The following ZSWIM6 variants were observed in gnomAD, a reference collection of about 807,000 sequenced individuals.
ZSWIM6 encodes zinc finger SWIM domain-containing protein 6.
In ZSWIM6, 9 loss-of-function variants were observed where a neutral mutation model predicts 113.2. The observed-to-expected ratio is 0.08, with a 90% confidence interval of 0.05 to 0.14. ZSWIM6 has a LOEUF of 0.14. Among genes scored for constraint, ZSWIM6 ranks in the 10% least tolerant of loss-of-function variants. The pLI, the probability that ZSWIM6 is intolerant of heterozygous loss-of-function variation, is 1.00. For synonymous variants in ZSWIM6, 611 were observed against 606.5 expected, an observed-to-expected ratio of 1.01 and a Z score of -0.11; for missense variants, 1,162 against 1,552.2, an observed-to-expected ratio of 0.75 and a Z score of 4.22.
At chr5:61,432,135 T>G (rs556113073) in intron 1 of ZSWIM6, among the ~76,000 whole-genome samples, 7 of 152,358 alleles carry the variant, frequency 4.6e-5, no homozygotes, top group African/African-American at 1.7e-4. Context: ...AAGCTGCTGT[T>G]TGTTCTAATA....
intron 1 of ZSWIM6, among the ~76,000 whole-genome samples, chr5:61,350,753 C>T (rs984259726): frequency 6.6e-6 from 1 of 152,180 alleles, no homozygotes; most frequent in Admixed American, 6.5e-5. Context: ...TCTTACTATC[C>T]GTGTGCCTCT....
chr5:61,467,254 CAG>C (rs1386249976), intron 1 of ZSWIM6, among the ~76,000 whole-genome samples: 2 of 152,108 alleles, frequency 1.3e-5, no homozygotes, highest in African/African-American at 2.4e-5. Context: ...TATCAAATAA[CAG>C]TAATAAACTC....
chr5:61,403,483 G>A (rs1167666178), intron 1 of ZSWIM6, among the ~76,000 whole-genome samples: 1 of 152,178 alleles, frequency 6.6e-6, no homozygotes, highest in African/African-American at 2.4e-5. Flanking sequence ...TATGCAGCTA[G>A]CAACTTCAGC....
At chr5:61,461,972 T>C (rs940320978) in intron 1 of ZSWIM6, among the ~76,000 whole-genome samples, 3 of 152,188 alleles carry the variant, frequency 2.0e-5, no homozygotes, top group African/African-American at 7.2e-5. Flanking sequence ...AAAATATATC[T>C]ACCTCACTGT....
intron 1 of ZSWIM6, among the ~76,000 whole-genome samples, chr5:61,387,110 A>ACTGCTGGT (rs2112087444): frequency 6.6e-6 from 1 of 152,332 alleles, no homozygotes; most frequent in East Asian, 1.9e-4. Flanking sequence ...TTATGTCAGA[A>ACTGCTGGT]AATAGCTTTC....
chr5:61,495,515 C>T (rs1172326055), intron 4 of ZSWIM6, among the ~76,000 whole-genome samples: 1 of 151,982 alleles, frequency 6.6e-6, no homozygotes. Context: ...TGACTTTTTC[C>T]CTGGCAATTT....
intron 1 of ZSWIM6, among the ~76,000 whole-genome samples, chr5:61,424,997 C>T (rs937359395): frequency 2.0e-5 from 3 of 152,072 alleles, no homozygotes; most frequent in Admixed American, 6.6e-5. Flanking sequence ...GGATTACAAA[C>T]GTGAGCCACT....
At chr5:61,382,437 C>T (rs1031807979) in intron 1 of ZSWIM6, among the ~76,000 whole-genome samples, 6 of 152,124 alleles carry the variant, frequency 3.9e-5, no homozygotes, top group East Asian at 1.9e-4. Flanking sequence ...ATGATGCCAA[C>T]GGTTCTTTCT....
rs1745718579 is a variant in ZSWIM6 at position 61,391,686 on chromosome 5, C to T, written c.676+58738C>T. 5.4e-6 allele frequency: 6 copies of T among 1,104,530 alleles called. No homozygotes were observed. In the Admixed American group the frequency reaches 6.8e-5, roughly 12 times the overall value. 68.4% of individuals were successfully genotyped at this position (1,104,530 alleles called of 1,614,324 possible). A position where few individuals can be genotyped will look rare whatever the true frequency, so the allele number is the denominator to read the frequency against. On this transcript the variant is annotated intron_variant, in intron 1 of 13. Transcript: ENST00000252744. ...CCTTCTTGTTCACCTTGGATCCTGG[C>T]CTGTCGACTTCCCGCATGATGTTGG...
chr5:61,342,898 TAA>T (rs572438740), intron 1 of ZSWIM6, among the ~76,000 whole-genome samples: 1 of 150,784 alleles, frequency 6.6e-6, no homozygotes, highest in Non-Finnish European at 1.5e-5. Flanking sequence ...ACTACTACAT[TAA>T]AAAAAAATGT....
intron 1 of ZSWIM6, among the ~76,000 whole-genome samples, chr5:61,340,960 G>A (rs959182911): frequency 6.6e-6 from 1 of 152,218 alleles, no homozygotes; most frequent in Admixed American, 6.6e-5. Context: ...TCAGAAAAAG[G>A]ATTGTTAACT....
Position 61,544,027 on chromosome 5 carries a change from G to A in ZSWIM6, c.3358G>A (p.Gly1120Arg), listed in dbSNP as rs1749816746. 1 of 1,551,906 alleles carries A rather than the reference G, an allele frequency of 6.4e-7. No individual in the cohort carries two copies. Among genetic ancestry groups the A allele is most frequent in the Admixed American group, 2.0e-5 (1 of 50,986 alleles). The stretch of plus-strand genomic sequence containing the variant: ...CACTCTGACCACTCCTGGCATGGTG[G>A]GACTTCATGGGAGGAGGAACTCTGG... ...RCTLTTPGMVGLHGRRNSGKL... is the reference protein window; with the variant it reads ...RCTLTTPGMVRLHGRRNSGKL... Residue 1120 changes from glycine to arginine, a missense_variant, in exon 14 of 14, where the codon GGA becomes AGA. Gly to Arg is a moderately radical substitution (Grantham distance 125, BLOSUM62 -2). This residue lies in a region of ZSWIM6 where 113 missense variants were observed against 213.8 expected (regional missense o/e 0.53). Transcript: ENST00000252744.
rs1745358782 is a variant in ZSWIM6, at chr5:61,375,660, G to C, written c.676+42712G>C. On this transcript the variant is annotated intron_variant, in intron 1 of 13. Coordinates refer to ENST00000252744, the MANE Select transcript of ZSWIM6 (RefSeq NM_020928.2). Reference sequence around the variant, plus strand: ...AAGGACTCAGCAAAAAGAGAAAGATGTATTCTGAAGATAAACCTTTATCAT... The same window carrying C: ...AAGGACTCAGCAAAAAGAGAAAGATCTATTCTGAAGATAAACCTTTATCAT... 4.5e-5 allele frequency: 70 copies of C among 1,544,852 alleles called. No individual in the cohort carries two copies. The South Asian group carries it at 8.2e-4, about 18-fold the overall frequency.
intron 1 of ZSWIM6, among the ~76,000 whole-genome samples, chr5:61,457,239 C>T (rs1488980049): frequency 1.3e-5 from 2 of 152,130 alleles, no homozygotes; most frequent in Non-Finnish European, 2.9e-5. Context: ...TAGCAGGGTT[C>T]GTACTGTGCC....
chr5:61,397,766 C>T (rs1260275855), intron 1 of ZSWIM6, among the ~76,000 whole-genome samples: 1 of 152,074 alleles, frequency 6.6e-6, no homozygotes, highest in African/African-American at 2.4e-5. Flanking sequence ...TCCTTATTGC[C>T]TTTTTAGCTC....
intron 1 of ZSWIM6, among the ~76,000 whole-genome samples, chr5:61,338,408 C>G (rs192624247): frequency 3.0e-4 from 45 of 152,188 alleles, no homozygotes; most frequent in Non-Finnish European, 2.5e-4. Flanking sequence ...AGATCCTACC[C>G]TTTTTCTGCC....
At chr5:61,374,846 C>T (rs910654853) in intron 1 of ZSWIM6, among the ~76,000 whole-genome samples, 1 of 152,158 alleles carries the variant, frequency 6.6e-6, no homozygotes, top group Non-Finnish European at 1.5e-5. Flanking sequence ...TGAGCTACCG[C>T]GCCCGGCAGG....
chr5:61,505,747 C>CTCTT (rs1321926302), intron 4 of ZSWIM6, among the ~76,000 whole-genome samples: 13 of 142,188 alleles, frequency 9.1e-5, no homozygotes, highest in South Asian at 4.7e-4. Context: ...CTCTCTCTCT[C>CTCTT]TCTTTCTTTC....
intron 1 of ZSWIM6, among the ~76,000 whole-genome samples, chr5:61,406,230 CTT>C (rs1467745996): frequency 6.6e-6 from 1 of 152,232 alleles, no homozygotes; most frequent in Non-Finnish European, 1.5e-5. Context: ...TGGTTCTGCT[CTT>C]TTCAGCAACT....
Sources: gnomAD v4.1 joint callset for allele counts (sites outside exome capture counted in the v4.1 genomes callset) on GRCh38, gnomAD v4.1.1 for gene constraint, gnomAD v4.1.1 regional missense constraint, MANE v1.5 for transcripts, NCBI Gene and HGNC (gene_info 2026-07-23, HGNC 2026-07-21) for gene names.